The following CELF4 variants were observed in gnomAD, a reference collection of about 807,000 sequenced individuals.
CELF4 encodes CUG-BP- and ETR-3-like factor 4.
In CELF4, 18 loss-of-function variants were observed where a neutral mutation model predicts 59.9. The ratio of observed to expected loss-of-function variants is 0.30; its 90% CI spans 0.21 to 0.45. CELF4 has a LOEUF of 0.45. CELF4 is among the 20% of genes least tolerant of loss of function. The pLI is 1.00. For synonymous variants in CELF4, 261 were observed against 267.1 expected (o/e 0.98, Z 0.22); for missense variants, 456 against 689.0 (o/e 0.66, Z 3.79).
intron 2 of CELF4, among the ~76,000 whole-genome samples, chr18:37,477,509 T>C (rs1049942656): frequency 6.6e-6 from 1 of 152,156 alleles, no homozygotes; most frequent in South Asian, 2.1e-4. Context: ...ACCTTTATTT[T>C]ACAATGACAC....
chr18:37,487,020 T>A (rs2099882665), intron 1 of CELF4, among the ~76,000 whole-genome samples: 1 of 152,188 alleles, frequency 6.6e-6, no homozygotes, highest in Admixed American at 6.5e-5. Flanking sequence ...GAGTGCTCGC[T>A]CTGTGCCAGG....
intron 2 of CELF4, among the ~76,000 whole-genome samples, chr18:37,476,814 C>T (rs939877068): frequency 6.6e-6 from 1 of 152,208 alleles, no homozygotes; most frequent in African/African-American, 2.4e-5. Flanking sequence ...CAGGCACAGC[C>T]CTTGTGGCAG....
intron 2 of CELF4, among the ~76,000 whole-genome samples, chr18:37,461,104 G>A (rs970814053): frequency 6.6e-6 from 1 of 152,194 alleles, no homozygotes; most frequent in Non-Finnish European, 1.5e-5. Context: ...AGGCTTGGGA[G>A]AAGGTATCTA....
intron 1 of CELF4, among the ~76,000 whole-genome samples, chr18:37,496,540 T>TA (rs1159645799): frequency 3.3e-5 from 5 of 152,142 alleles, no homozygotes; most frequent in Non-Finnish European, 5.9e-5. Context: ...AAATTTTTTT[T>TA]AAAAAAGAAG....
intron 3 of CELF4, among the ~76,000 whole-genome samples, chr18:37,291,474 G>A (rs967092921): frequency 2.0e-5 from 3 of 152,204 alleles, no homozygotes; most frequent in African/African-American, 7.2e-5. Context: ...CTTCAGCGAA[G>A]ATAAAATGTG....
intron 2 of CELF4, among the ~76,000 whole-genome samples, chr18:37,462,488 A>G (rs1406076153): frequency 1.3e-5 from 2 of 152,202 alleles, no homozygotes; most frequent in East Asian, 3.9e-4. Flanking sequence ...ATGCACCCTG[A>G]GATCTCTGAG....
chr18:37,562,456 T>C (rs2099986849), intron 1 of CELF4, among the ~76,000 whole-genome samples: 2 of 151,988 alleles, frequency 1.3e-5, no homozygotes, highest in South Asian at 4.2e-4. Flanking sequence ...TTTGATCCTG[T>C]ATGATTCATT....
chr18:37,427,661 T>C (rs1056530496), intron 2 of CELF4, among the ~76,000 whole-genome samples: 2 of 152,182 alleles, frequency 1.3e-5, no homozygotes, highest in African/African-American at 4.8e-5. Context: ...CTCTCTTTGT[T>C]TGGCTTTCAA....
chr18:37,266,242 G>T, intron 9 of CELF4: 1 of 540,298 alleles, frequency 1.9e-6, no homozygotes, highest in Non-Finnish European at 3.3e-6. Flanking sequence ...AAGCTCCATG[G>T]GGAAGGGAAA....
chr18:37,453,869 AT>A (rs1015455079), intron 2 of CELF4, among the ~76,000 whole-genome samples: 1 of 152,018 alleles, frequency 6.6e-6, no homozygotes, highest in African/African-American at 2.4e-5. Flanking sequence ...AAAGAAGCTT[AT>A]TTTTCCAGCA....
chr18:37,552,743 C>A (rs908846362), intron 1 of CELF4, among the ~76,000 whole-genome samples: 1 of 152,256 alleles, frequency 6.6e-6, no homozygotes, highest in Admixed American at 6.5e-5. Flanking sequence ...AGGAGCCTGG[C>A]TTTCTGCTGG....
chr18:37,363,536 A>G (rs1023004464), intron 2 of CELF4, among the ~76,000 whole-genome samples: 75 of 152,190 alleles, frequency 4.9e-4, no homozygotes, highest in African/African-American at 1.8e-3. Context: ...CAGGTGGCAG[A>G]CGTTACCAGA....
chr18:37,450,160 G>A (rs2099759159), intron 2 of CELF4, among the ~76,000 whole-genome samples: 1 of 152,146 alleles, frequency 6.6e-6, no homozygotes, highest in South Asian at 2.1e-4. Context: ...ATATGTGTGT[G>A]TGGGAGGGTA....
At chr18:37,453,767 G>T (rs1352603196) in intron 2 of CELF4, among the ~76,000 whole-genome samples, 2 of 152,178 alleles carry the variant, frequency 1.3e-5, no homozygotes, top group Non-Finnish European at 1.5e-5. Context: ...TCACTGGATG[G>T]CCAGCAGCCT....
intron 2 of CELF4, among the ~76,000 whole-genome samples, chr18:37,443,628 C>T (rs964451226): frequency 2.0e-4 from 31 of 152,124 alleles, no homozygotes; most frequent in African/African-American, 6.8e-4. Context: ...CCTGGAAGGC[C>T]TCAGGAAGAG....
At chr18:37,298,540 C>T (rs960142218) in intron 3 of CELF4, among the ~76,000 whole-genome samples, 3 of 151,858 alleles carry the variant, frequency 2.0e-5, no homozygotes, top group Non-Finnish European at 2.9e-5. Context: ...GGCAACATGG[C>T]GAAACATGGC....
chr18:37,326,430 C>T (rs182590935), intron 2 of CELF4, among the ~76,000 whole-genome samples: 529 of 152,308 alleles, frequency 3.5e-3, no homozygotes, highest in African/African-American at 0.012. Flanking sequence ...CTGTCCTCCC[C>T]GGAGGGCCCT....
At chr18:37,267,806 T>C (rs1356412666) in intron 8 of CELF4, among the ~76,000 whole-genome samples, 2 of 151,766 alleles carry the variant, frequency 1.3e-5, no homozygotes, top group Non-Finnish European at 1.5e-5. Context: ...GAGGCCGAGG[T>C]GGGTGGATCA....
intron 1 of CELF4, among the ~76,000 whole-genome samples, chr18:37,495,266 A>G (rs987198155): frequency 2.0e-5 from 3 of 152,094 alleles, no homozygotes; most frequent in Admixed American, 1.3e-4. Flanking sequence ...CAAGACCAAA[A>G]CCATCGCTAA....
Sources: allele counts gnomAD v4.1 joint callset (sites outside exome capture counted in the v4.1 genomes callset), GRCh38; gene constraint gnomAD v4.1.1; transcripts MANE v1.5; gene names NCBI Gene and HGNC (gene_info 2026-07-23, HGNC 2026-07-21).